The following TTLL7 variants were observed in gnomAD, a reference collection of about 807,000 sequenced individuals.
TTLL7 encodes tubulin tyrosine ligase like 7.
TTLL7 carries 53 observed loss-of-function variants against 120.2 expected under a neutral mutation model. The observed-to-expected ratio is 0.44, with a 90% CI of 0.35 to 0.55. The LOEUF (loss-of-function observed/expected upper bound fraction) is 0.55. Among genes scored for constraint, TTLL7 ranks in the 20% least tolerant of loss-of-function variants. The pLI, the probability that TTLL7 is intolerant of heterozygous loss-of-function variation, is 0.00. For synonymous variants in TTLL7, 353 were observed against 351.7 expected, an observed-to-expected ratio of 1.00 and a Z score of -0.04; for missense variants, 803 against 1,054.7, an observed-to-expected ratio of 0.76 and a Z score of 3.31.
intron 1 of TTLL7, among the ~76,000 whole-genome samples, chr1:83,963,544 T>A (rs905896187): frequency 7.2e-5 from 11 of 152,176 alleles, no homozygotes; most frequent in African/African-American, 2.7e-4. Context: ...TAGATTCCAT[T>A]TTTTATTTTA....
chr1:83,918,542 A>G (rs1658378888), intron 13 of TTLL7, among the ~76,000 whole-genome samples: 1 of 152,154 alleles, frequency 6.6e-6, no homozygotes, highest in Admixed American at 6.6e-5. Flanking sequence ...AGCTATTGAA[A>G]TCCCAAAATA....
At chr1:83,891,492 G>A (rs974018749) in intron 18 of TTLL7, among the ~76,000 whole-genome samples, 5 of 152,060 alleles carry the variant, frequency 3.3e-5, no homozygotes, top group African/African-American at 1.2e-4. Flanking sequence ...GCACAAACGG[G>A]AAAACAGTTT....
intron 1 of TTLL7, among the ~76,000 whole-genome samples, chr1:83,991,413 A>T (rs1652988062): frequency 1.3e-5 from 2 of 152,156 alleles, no homozygotes; most frequent in African/African-American, 4.8e-5. Flanking sequence ...TGGGATGCTA[A>T]GGCTGGTGGA....
At chr1:83,948,341 T>C (rs887214824) in intron 5 of TTLL7, among the ~76,000 whole-genome samples, 1 of 152,146 alleles carries the variant, frequency 6.6e-6, no homozygotes, top group Admixed American at 6.6e-5. Flanking sequence ...AGGCAACAAG[T>C]TGCAGTAAAG....
At chr1:83,895,748 C>T (rs981326757) in intron 18 of TTLL7, among the ~76,000 whole-genome samples, 1 of 152,116 alleles carries the variant, frequency 6.6e-6, no homozygotes, top group Non-Finnish European at 1.5e-5. Flanking sequence ...ACGCTCTTAA[C>T]TACATCCAGC....
Position 83,998,972 on chromosome 1 carries a change from G to C in TTLL7, c.-218C>G. On this transcript the variant is annotated 5_prime_UTR_variant, in exon 1 of 21. Transcript: ENST00000260505. ...CAGCCCGGGTCCTCGCGTCCCCGCT[G>C]CAAGCGGTCCCCCAGGTGCTCCCGC... 1 of 436,240 alleles carries C rather than the reference G, an allele frequency of 2.3e-6. No homozygotes were observed. The highest frequency in any genetic ancestry group is 1.6e-5 in the South Asian group (1 of 61,760). 27.0% of individuals were successfully genotyped at this position (436,240 alleles called of 1,614,324 possible). A position where few individuals can be genotyped will look rare whatever the true frequency, so the allele number is the denominator to read the frequency against.
chr1:83,997,845 T>C (rs1452120174), intron 1 of TTLL7, among the ~76,000 whole-genome samples: 1 of 152,214 alleles, frequency 6.6e-6, no homozygotes, highest in Non-Finnish European at 1.5e-5. Flanking sequence ...CAAATATCAC[T>C]GCCAAAAATG....
intron 14 of TTLL7, among the ~76,000 whole-genome samples, chr1:83,916,232 G>C (rs1424875762): frequency 6.6e-6 from 1 of 152,088 alleles, no homozygotes; most frequent in Admixed American, 6.5e-5. Context: ...CAAAGACTTG[G>C]AACCAACCCA....
intron 10 of TTLL7, among the ~76,000 whole-genome samples, chr1:83,924,604 C>T (rs1355586909): frequency 6.6e-6 from 1 of 152,098 alleles, no homozygotes; most frequent in East Asian, 1.9e-4. Flanking sequence ...AATGGGTACA[C>T]AGTTTCACTT....
chr1:83,929,295 A>AC, intron 9 of TTLL7, 65 bp from the exon 10 acceptor site: 1 of 1,249,200 alleles, frequency 8.0e-7, no homozygotes, highest in Non-Finnish European at 1.1e-6. Flanking sequence ...TTGTTAATCC[A>AC]ATGTGGGATC....
chr1:83,865,497 T>A lies in TTLL7; in HGVS notation c.*4465A>T, dbSNP rs1652854740. ...GTTAATGTAGAATGTGTAACTTGAG[T>A]AATTTTCCCTAATATACGATACATC... is the stretch of plus-strand genomic sequence containing the variant. On this transcript the variant is annotated 3_prime_UTR_variant, in exon 21 of 21. Transcript: ENST00000260505. 1 of 151,974 alleles carries A rather than the reference T, an allele frequency of 6.6e-6. No individual in the cohort carries two copies. The highest frequency in any genetic ancestry group is 1.5e-5 in the Non-Finnish European group (1 of 67,890). 9.4% of individuals were successfully genotyped at this position (151,974 alleles called of 1,614,324 possible). A position where few individuals can be genotyped will look rare whatever the true frequency, so the allele number is the denominator to read the frequency against.
At chr1:83,900,167 T>C in intron 18 of TTLL7, 1 of 449,640 alleles carries the variant, frequency 2.2e-6, no homozygotes, top group Non-Finnish European at 4.5e-6. Context: ...TGTCTTATTA[T>C]TGCTGTTCAA....
At chr1:83,975,931 T>C (rs926682076) in intron 1 of TTLL7, among the ~76,000 whole-genome samples, 1 of 151,868 alleles carries the variant, frequency 6.6e-6, no homozygotes, top group African/African-American at 2.4e-5. Flanking sequence ...TTATTTGAAA[T>C]AATAGAATAG....
At chr1:83,921,213 T>C in intron 11 of TTLL7, 34 bp downstream of exon 11, 1 of 1,610,232 alleles carries the variant, frequency 6.2e-7, no homozygotes, top group Non-Finnish European at 8.5e-7. Context: ...ATTATGCAAT[T>C]TAAATTGTGG....
chr1:83,915,123 G>A (rs542781772), intron 14 of TTLL7, among the ~76,000 whole-genome samples: 1 of 152,096 alleles, frequency 6.6e-6, no homozygotes, highest in Non-Finnish European at 1.5e-5. Flanking sequence ...ATAGGAAGGA[G>A]CCTCAAACAA....
chr1:83,894,571 T>G (rs997613187), intron 18 of TTLL7, among the ~76,000 whole-genome samples: 2 of 152,136 alleles, frequency 1.3e-5, no homozygotes, highest in Admixed American at 6.6e-5. Context: ...GGAATTTTAA[T>G]AGCATGACAG....
intron 17 of TTLL7, among the ~76,000 whole-genome samples, chr1:83,904,834 G>T (rs901844942): frequency 4.6e-5 from 7 of 151,928 alleles, no homozygotes; most frequent in African/African-American, 1.7e-4. Flanking sequence ...GTGCAAGTCT[G>T]CAAAACTTCT....
intron 9 of TTLL7, among the ~76,000 whole-genome samples, chr1:83,930,097 ATAAGTAAAAC>A (rs1489966426): frequency 6.6e-6 from 1 of 152,170 alleles, no homozygotes; most frequent in Non-Finnish European, 1.5e-5. Context: ...CCGCAGAAAA[ATAAGTAAAAC>A]TAAGGAAAAC....
intron 8 of TTLL7, among the ~76,000 whole-genome samples, chr1:83,936,333 T>C (rs1647392989): frequency 1.3e-5 from 2 of 151,942 alleles, no homozygotes; most frequent in Admixed American, 1.3e-4. Flanking sequence ...CAAATCCAAA[T>C]GAGGGTTACA....
Sources: allele counts gnomAD v4.1 joint callset (sites outside exome capture counted in the v4.1 genomes callset), GRCh38; gene constraint gnomAD v4.1.1; transcripts MANE v1.5; gene names NCBI Gene and HGNC (gene_info 2026-07-23, HGNC 2026-07-21).